Variants in SPATA16 observed in about 807,000 individuals in gnomAD.
SPATA16 encodes spermatogenesis associated 16.
SPATA16 carries 36 observed loss-of-function variants against 63.3 expected under a neutral mutation model. That is an observed-to-expected ratio of 0.57 (90% CI 0.44 to 0.75). The LOEUF (loss-of-function observed/expected upper bound fraction) is 0.75. Ranked by LOEUF, SPATA16 falls within the 30% of genes least tolerant of loss-of-function variation. The pLI is 0.00. For synonymous variants in SPATA16, 203 were observed against 216.7 expected (o/e 0.94, Z 0.56); for missense variants, 646 against 679.3 (o/e 0.95, Z 0.54).
intron 3 of SPATA16, among the ~76,000 whole-genome samples, chr3:173,023,912 A>C (rs928769420): frequency 1.3e-5 from 2 of 150,656 alleles, no homozygotes; most frequent in Admixed American, 1.3e-4. Context: ...GAATTATATA[A>C]AATGTATAGA....
At chr3:173,045,034 A>G (rs1289780710) in intron 3 of SPATA16, among the ~76,000 whole-genome samples, 1 of 152,088 alleles carries the variant, frequency 6.6e-6, no homozygotes, top group East Asian at 1.9e-4. Context: ...AAGTATTTCC[A>G]TTTAGCACTT....
chr3:172,943,345 A>G (rs1319678014), intron 6 of SPATA16, among the ~76,000 whole-genome samples: 3 of 152,258 alleles, frequency 2.0e-5, no homozygotes. Context: ...TAAATGGAAC[A>G]ACATGTAAAT....
intron 8 of SPATA16, among the ~76,000 whole-genome samples, chr3:172,919,503 A>G (rs1364799605): frequency 2.0e-5 from 3 of 152,188 alleles, no homozygotes; most frequent in Non-Finnish European, 4.4e-5. Flanking sequence ...TCAGAAGTGT[A>G]AAGAGAATCA....
At position 172,924,316 on chromosome 3, in the gene SPATA16, C is replaced by T. The variant is rs150441197; in HGVS notation, c.1230G>A (p.Glu410=). ...ISSRKLPIFT[E]HKTPFGLTRE... Reference sequence around the variant, plus strand: ...TGGTCAGACCGAAAGGTGTTTTATGCTCTAAAAATTGTAACAATAAACTTT... The same window carrying T: ...TGGTCAGACCGAAAGGTGTTTTATGTTCTAAAAATTGTAACAATAAACTTT... The change falls in exon 8 of 11, where the codon GAG becomes GAA. Residue 410 remains glutamate, a splice_region_variant and synonymous_variant. Coordinates refer to ENST00000351008, the MANE Select transcript of SPATA16 (RefSeq NM_031955.6). 2.9e-4 allele frequency: 463 copies of T among 1,610,110 alleles called. No individual in the cohort carries two copies. The highest frequency in any genetic ancestry group is 3.5e-4 in the Non-Finnish European group (416 of 1,177,430).
intron 5 of SPATA16, among the ~76,000 whole-genome samples, chr3:172,965,937 A>G (rs1012650964): frequency 4.6e-5 from 7 of 152,264 alleles, no homozygotes; most frequent in African/African-American, 1.7e-4. Context: ...GGCCTCTCCC[A>G]GAAGACTTTA....
chr3:173,040,516 CAT>C, intron 3 of SPATA16, among the ~76,000 whole-genome samples: 1 of 152,228 alleles, frequency 6.6e-6, no homozygotes, highest in East Asian at 1.9e-4. Context: ...ACAAATCACA[CAT>C]GAGGAAAGCA....
chr3:172,964,592 A>G (rs933926855), intron 5 of SPATA16, among the ~76,000 whole-genome samples: 5 of 152,242 alleles, frequency 3.3e-5, no homozygotes, highest in Non-Finnish European at 2.9e-5. Context: ...GTAAATGTCA[A>G]CACAGCTTGG....
chr3:173,036,099 CT>C (rs1361431142), intron 3 of SPATA16, among the ~76,000 whole-genome samples: 1 of 151,950 alleles, frequency 6.6e-6, no homozygotes, highest in Admixed American at 6.6e-5. Context: ...CACTTCTGCA[CT>C]TGTTCCATTG....
intron 4 of SPATA16, among the ~76,000 whole-genome samples, chr3:173,007,720 G>C (rs1183935992): frequency 6.6e-6 from 1 of 151,670 alleles, no homozygotes; most frequent in African/African-American, 2.4e-5. Flanking sequence ...GACCAGATTT[G>C]TGGCAAATAG....
chr3:173,025,499 T>C (rs1324177053), intron 3 of SPATA16, among the ~76,000 whole-genome samples: 2 of 151,912 alleles, frequency 1.3e-5, no homozygotes, highest in Non-Finnish European at 2.9e-5. Context: ...GTATTCACTT[T>C]TTAAAAGTAT....
intron 4 of SPATA16, among the ~76,000 whole-genome samples, chr3:172,997,271 T>A (rs1734715520): frequency 6.6e-6 from 1 of 152,046 alleles, no homozygotes; most frequent in Non-Finnish European, 1.5e-5. Flanking sequence ...AATGAAGCAT[T>A]TGGTGTTGTC....
intron 2 of SPATA16, among the ~76,000 whole-genome samples, chr3:173,112,109 A>G (rs1338847342): frequency 3.3e-5 from 5 of 151,962 alleles, no homozygotes; most frequent in African/African-American, 1.2e-4. Context: ...ATACAAATGC[A>G]ATGCCAACCC....
chr3:172,977,995 T>C (rs1229555686), intron 4 of SPATA16, among the ~76,000 whole-genome samples: 1 of 152,156 alleles, frequency 6.6e-6, no homozygotes, highest in African/African-American at 2.4e-5. Flanking sequence ...GTATAAGTCA[T>C]AGCAGTTATA....
chr3:172,897,150 T>A (rs139483483), intron 10 of SPATA16, among the ~76,000 whole-genome samples: 189 of 152,292 alleles, frequency 1.2e-3, no homozygotes, highest in African/African-American at 4.5e-3. Context: ...TGTGTTTTAG[T>A]TTTCTTTTAT....
At chr3:173,048,164 G>A (rs902945490) in intron 3 of SPATA16, among the ~76,000 whole-genome samples, 1 of 152,098 alleles carries the variant, frequency 6.6e-6, no homozygotes, top group African/African-American at 2.4e-5. Context: ...GATGTGAGAT[G>A]AGAAAATGAA....
chr3:172,935,368 T>TA (rs1732960087), intron 6 of SPATA16, among the ~76,000 whole-genome samples: 1 of 152,092 alleles, frequency 6.6e-6, no homozygotes, highest in African/African-American at 2.4e-5. Context: ...CATGTAAGAT[T>TA]AAAAAACCCA....
chr3:173,023,986 A>G (rs1294008350), intron 3 of SPATA16, among the ~76,000 whole-genome samples: 1 of 151,234 alleles, frequency 6.6e-6, no homozygotes, highest in African/African-American at 2.4e-5. Context: ...GCTTGCTAAA[A>G]ATGTGAAATC....
intron 6 of SPATA16, among the ~76,000 whole-genome samples, chr3:172,946,092 A>G (rs1227179530): frequency 6.6e-6 from 1 of 152,202 alleles, no homozygotes; most frequent in Non-Finnish European, 1.5e-5. Context: ...CAACATTACC[A>G]GACACAACCT....
chr3:173,010,267 G>A (rs1278810370), intron 4 of SPATA16, among the ~76,000 whole-genome samples: 1 of 152,172 alleles, frequency 6.6e-6, no homozygotes, highest in African/African-American at 2.4e-5. Context: ...TTGCCCCCAG[G>A]TTGGGAGGGA....
Sources: gnomAD v4.1 joint callset for allele counts (sites outside exome capture counted in the v4.1 genomes callset) on GRCh38, gnomAD v4.1.1 for gene constraint, MANE v1.5 for transcripts, NCBI Gene and HGNC (gene_info 2026-07-23, HGNC 2026-07-21) for gene names.